The following ROBO1 variants were observed in gnomAD, a reference collection of about 807,000 sequenced individuals.
ROBO1 encodes the protein roundabout homolog 1.
In ROBO1, 149 loss-of-function variants were observed where a neutral mutation model predicts 195.9. The observed-to-expected ratio is 0.76, with a 90% CI of 0.67 to 0.87. The LOEUF is 0.87. Ranked by LOEUF, ROBO1 falls within the 40% of genes least tolerant of loss-of-function variation. The pLI is 0.00. For synonymous variants in ROBO1, 816 were observed against 733.2 expected, an observed-to-expected ratio of 1.11 and a Z score of -1.82; for missense variants, 1,933 against 2,068.3, an observed-to-expected ratio of 0.93 and a Z score of 1.27.
chr3:79,704,714 C>A (rs1052411816), intron 1 of ROBO1, among the ~76,000 whole-genome samples: 3 of 151,956 alleles, frequency 2.0e-5, no homozygotes, highest in African/African-American at 7.2e-5. Context: ...ATCACTGGGT[C>A]ACTGTGTCAT....
At chr3:79,079,128 T>C (rs189780244) in intron 3 of ROBO1, among the ~76,000 whole-genome samples, 6 of 151,886 alleles carry the variant, frequency 4.0e-5, no homozygotes, top group Non-Finnish European at 7.4e-5. Flanking sequence ...GATCTGGAGA[T>C]AATTAATACT....
At chr3:78,675,544 C>A (rs1708363726) in intron 10 of ROBO1, among the ~76,000 whole-genome samples, 2 of 152,282 alleles carry the variant, frequency 1.3e-5, no homozygotes, top group South Asian at 4.1e-4. Flanking sequence ...GGGTCCTACA[C>A]CCACGGAGTC....
At chr3:79,683,505 T>C (rs1947010118) in intron 1 of ROBO1, among the ~76,000 whole-genome samples, 1 of 152,128 alleles carries the variant, frequency 6.6e-6, no homozygotes, top group South Asian at 2.1e-4. Flanking sequence ...TTTAGTATAT[T>C]CACAAAGCTA....
intron 3 of ROBO1, among the ~76,000 whole-genome samples, chr3:79,028,077 A>T (rs1229562023): frequency 6.6e-6 from 1 of 152,060 alleles, no homozygotes. Context: ...TTAAGCATAC[A>T]TACTAAAAGT....
chr3:78,743,574 C>T (rs2082583558), intron 5 of ROBO1, among the ~76,000 whole-genome samples: 1 of 152,034 alleles, frequency 6.6e-6, no homozygotes, highest in South Asian at 2.1e-4. Flanking sequence ...CTGATGACTC[C>T]TATATTCATC....
chr3:78,921,501 G>C (rs2107599262), intron 4 of ROBO1, among the ~76,000 whole-genome samples: 1 of 152,286 alleles, frequency 6.6e-6, no homozygotes, highest in African/African-American at 2.4e-5. Context: ...TTTGAAATGA[G>C]AGATTCCCTG....
At chr3:78,748,886 G>A (rs1024431121) in intron 4 of ROBO1, among the ~76,000 whole-genome samples, 5 of 151,988 alleles carry the variant, frequency 3.3e-5, no homozygotes, top group Admixed American at 1.3e-4. Context: ...ATCTGATCTC[G>A]CCAAACTGTT....
intron 5 of ROBO1, among the ~76,000 whole-genome samples, chr3:78,723,606 A>G (rs2082093937): frequency 6.6e-6 from 1 of 151,982 alleles, no homozygotes; most frequent in South Asian, 2.1e-4. Context: ...CTCCCCGGAG[A>G]TATCTGGCAA....
chr3:78,629,989 T>C (rs1285287760), intron 25 of ROBO1, among the ~76,000 whole-genome samples: 1 of 152,206 alleles, frequency 6.6e-6, no homozygotes, highest in Admixed American at 6.5e-5. Context: ...ATTTCCCTGC[T>C]TAAAATGGCC....
At chr3:79,655,888 A>T (rs140939084) in intron 1 of ROBO1, among the ~76,000 whole-genome samples, 46 of 152,238 alleles carry the variant, frequency 3.0e-4, no homozygotes, top group Non-Finnish European at 6.2e-4. Context: ...TAATAAAATG[A>T]TAATACATAT....
chr3:79,016,472 C>T (rs1013184903), intron 3 of ROBO1, among the ~76,000 whole-genome samples: 1 of 152,200 alleles, frequency 6.6e-6, no homozygotes, highest in African/African-American at 2.4e-5. Flanking sequence ...AGCTAGAAAT[C>T]AGTGTAGCTC....
intron 1 of ROBO1, among the ~76,000 whole-genome samples, chr3:79,658,800 G>A (rs559211009): frequency 1.5e-4 from 23 of 149,876 alleles, no homozygotes; most frequent in Middle Eastern, 3.4e-3. Context: ...ATGGAGTCTC[G>A]CTCTGTCGCC....
At chr3:79,342,255 C>A (rs1397649985) in intron 2 of ROBO1, among the ~76,000 whole-genome samples, 1 of 152,076 alleles carries the variant, frequency 6.6e-6, no homozygotes, top group Admixed American at 6.6e-5. Context: ...ATAAAAATGG[C>A]ATTTGCAGAA....
chr3:79,567,504 T>C (rs1464602950), intron 2 of ROBO1, among the ~76,000 whole-genome samples: 1 of 152,176 alleles, frequency 6.6e-6, no homozygotes, highest in Non-Finnish European at 1.5e-5. Context: ...TTTATTTTTG[T>C]TGTCTATTTG....
chr3:79,558,538 G>C (rs955282261), intron 2 of ROBO1, among the ~76,000 whole-genome samples: 1 of 152,082 alleles, frequency 6.6e-6, no homozygotes, highest in African/African-American at 2.4e-5. Flanking sequence ...GTAATACACA[G>C]ATTTTTTACT....
chr3:78,995,623 G>C (rs2077345023), intron 3 of ROBO1, among the ~76,000 whole-genome samples: 1 of 151,010 alleles, frequency 6.6e-6, no homozygotes, highest in Non-Finnish European at 1.5e-5. Context: ...TTCTAGGTCT[G>C]AAGACAACGG....
intron 1 of ROBO1, among the ~76,000 whole-genome samples, chr3:79,622,542 C>T (rs937400099): frequency 6.6e-6 from 1 of 152,222 alleles, no homozygotes; most frequent in African/African-American, 2.4e-5. Context: ...TGTCCCCCAA[C>T]AGCCCAACAT....
At chr3:79,660,026 C>T (rs1052593323) in intron 1 of ROBO1, among the ~76,000 whole-genome samples, 13 of 151,986 alleles carry the variant, frequency 8.6e-5, no homozygotes, top group Admixed American at 8.5e-4. Flanking sequence ...GTCAAGAATA[C>T]CTTCTGGCAG....
chr3:79,584,695 A>G (rs1943772619), intron 2 of ROBO1, among the ~76,000 whole-genome samples: 1 of 150,012 alleles, frequency 6.7e-6, no homozygotes, highest in Admixed American at 6.7e-5. Context: ...TCACATACAC[A>G]TGCAATGTGA....
Sources: gnomAD v4.1 joint callset for allele counts (sites outside exome capture counted in the v4.1 genomes callset) on GRCh38, gnomAD v4.1.1 for gene constraint, MANE v1.5 for transcripts, NCBI Gene and HGNC (gene_info 2026-07-23, HGNC 2026-07-21) for gene names.